The following SSBP2 variants were observed in gnomAD, a reference collection of about 807,000 sequenced individuals.
The protein encoded by SSBP2 is single-stranded DNA-binding protein 2.
In SSBP2, 17 loss-of-function variants were observed where a neutral mutation model predicts 61.8. That is an observed-to-expected ratio of 0.28 (90% CI 0.19 to 0.41). The LOEUF (loss-of-function observed/expected upper bound fraction) is 0.41. Ranked by LOEUF, SSBP2 falls within the 10% of genes least tolerant of loss-of-function variation. The probability of loss-of-function intolerance (pLI) is 1.00; values close to 1 mark genes in which losing one functional copy is unlikely to be tolerated. For missense variants in SSBP2, 310 were observed against 458.7 expected (o/e 0.68, Z 2.96); for synonymous variants, 139 against 141.3 (o/e 0.98, Z 0.12).
chr5:81,451,896 A>G (rs1763797928), intron 10 of SSBP2, among the ~76,000 whole-genome samples: 1 of 152,212 alleles, frequency 6.6e-6, no homozygotes, highest in South Asian at 2.1e-4. Flanking sequence ...TCTACTTCAT[A>G]GTCTTTGATG....
intron 1 of SSBP2, among the ~76,000 whole-genome samples, chr5:81,699,451 G>A (rs1326826028): frequency 1.3e-5 from 2 of 152,192 alleles, no homozygotes; most frequent in African/African-American, 2.4e-5. Context: ...TTTCAACAAT[G>A]TTCACAGCAT....
At chr5:81,552,629 C>T (rs1034270253) in intron 4 of SSBP2, among the ~76,000 whole-genome samples, 1 of 136,066 alleles carries the variant, frequency 7.3e-6, no homozygotes, top group Admixed American at 8.1e-5. Context: ...CAGAGCAAGA[C>T]TATGTCTCTT....
chr5:81,683,624 A>C (rs1258356731), intron 1 of SSBP2, among the ~76,000 whole-genome samples: 1 of 152,186 alleles, frequency 6.6e-6, no homozygotes, highest in Non-Finnish European at 1.5e-5. Context: ...AATAACTGGT[A>C]AGTTTGGCTT....
intron 4 of SSBP2, among the ~76,000 whole-genome samples, chr5:81,605,819 T>G (rs976619819): frequency 2.6e-5 from 4 of 152,190 alleles, no homozygotes; most frequent in African/African-American, 9.6e-5. Context: ...AGCTTGTTTT[T>G]TCCCCTGAAT....
At chr5:81,658,284 C>T (rs1459180752) in intron 1 of SSBP2, among the ~76,000 whole-genome samples, 6 of 152,080 alleles carry the variant, frequency 3.9e-5, no homozygotes, top group Non-Finnish European at 8.8e-5. Context: ...TTTTTAGATT[C>T]CATACAACTG....
At chr5:81,510,983 C>T (rs1053736069) in intron 5 of SSBP2, among the ~76,000 whole-genome samples, 1 of 152,072 alleles carries the variant, frequency 6.6e-6, no homozygotes, top group Non-Finnish European at 1.5e-5. Flanking sequence ...CCCCTGCAGT[C>T]CCTCTCAAGC....
intron 4 of SSBP2, among the ~76,000 whole-genome samples, chr5:81,586,443 T>C (rs1444733903): frequency 6.6e-6 from 1 of 152,122 alleles, no homozygotes; most frequent in Non-Finnish European, 1.5e-5. Flanking sequence ...AAGTGAAAGG[T>C]AATAAATTAT....
chr5:81,740,568 T>G (rs1173235981), intron 1 of SSBP2, among the ~76,000 whole-genome samples: 3 of 152,130 alleles, frequency 2.0e-5, no homozygotes, highest in African/African-American at 7.2e-5. Flanking sequence ...CAGGTGCCCT[T>G]GTCCAAAAAA....
At chr5:81,579,396 A>G (rs575628863) in intron 4 of SSBP2, among the ~76,000 whole-genome samples, 1 of 152,202 alleles carries the variant, frequency 6.6e-6, no homozygotes, top group Admixed American at 6.5e-5. Context: ...TCATCCCAGT[A>G]AAGATGAGAA....
chr5:81,451,206 A>T (rs1452432132), intron 10 of SSBP2, among the ~76,000 whole-genome samples: 1 of 152,122 alleles, frequency 6.6e-6, no homozygotes, highest in Non-Finnish European at 1.5e-5. Flanking sequence ...TGGTGATTAC[A>T]CCATCCTGAG....
intron 4 of SSBP2, among the ~76,000 whole-genome samples, chr5:81,594,479 G>A (rs1371145829): frequency 2.6e-5 from 4 of 152,110 alleles, no homozygotes; most frequent in Admixed American, 2.0e-4. Flanking sequence ...ACTCACCTCT[G>A]CACCAAGCGG....
At chr5:81,554,530 T>A in intron 4 of SSBP2, among the ~76,000 whole-genome samples, 1 of 151,722 alleles carries the variant, frequency 6.6e-6, no homozygotes, top group East Asian at 1.9e-4. Flanking sequence ...TATCCACATA[T>A]ATTCTTGCTC....
At chr5:81,517,011 T>C (rs1376543236) in intron 4 of SSBP2, among the ~76,000 whole-genome samples, 1 of 152,066 alleles carries the variant, frequency 6.6e-6, no homozygotes, top group Non-Finnish European at 1.5e-5. Context: ...GGAGAGCAAA[T>C]AGTTTAATTA....
intron 4 of SSBP2, among the ~76,000 whole-genome samples, chr5:81,581,732 T>C (rs972434734): frequency 6.6e-6 from 1 of 152,180 alleles, no homozygotes; most frequent in African/African-American, 2.4e-5. Context: ...AGGCTCTGTG[T>C]TCTGTCTCCT....
chr5:81,621,795 T>G (rs1350598267), intron 3 of SSBP2, among the ~76,000 whole-genome samples: 1 of 105,616 alleles, frequency 9.5e-6, no homozygotes, highest in African/African-American at 3.9e-5. Flanking sequence ...GATGAGTTCA[T>G]GTCCTTTGTA....
intron 1 of SSBP2, among the ~76,000 whole-genome samples, chr5:81,726,033 G>A (rs548962125): frequency 1.3e-5 from 2 of 152,152 alleles, no homozygotes; most frequent in South Asian, 4.2e-4. Context: ...GCATAAAACA[G>A]CACCATATAT....
intron 15 of SSBP2, among the ~76,000 whole-genome samples, chr5:81,433,242 T>G (rs921869868): frequency 2.6e-5 from 4 of 152,028 alleles, no homozygotes; most frequent in Admixed American, 2.0e-4. Context: ...CATGGGAGAC[T>G]TTTCATTTTG....
chr5:81,472,599 T>C (rs927685455), intron 8 of SSBP2, among the ~76,000 whole-genome samples: 9 of 152,124 alleles, frequency 5.9e-5, no homozygotes, highest in African/African-American at 1.9e-4. Context: ...TTTTATTTAT[T>C]TATTTATTAT....
intron 3 of SSBP2, among the ~76,000 whole-genome samples, chr5:81,633,981 A>G (rs2153665817): frequency 6.6e-6 from 1 of 152,372 alleles, no homozygotes; most frequent in East Asian, 1.9e-4. Flanking sequence ...GACATGGCTA[A>G]GATTGTAAAC....
Sources: allele counts gnomAD v4.1 joint callset (sites outside exome capture counted in the v4.1 genomes callset), GRCh38; gene constraint gnomAD v4.1.1; transcripts MANE v1.5; gene names NCBI Gene and HGNC (gene_info 2026-07-23, HGNC 2026-07-21).